Variants in CDH3 observed in about 807,000 individuals in gnomAD.
CDH3 encodes the protein cadherin-3.
CDH3 carries 54 observed loss-of-function variants against 82.0 expected under a neutral mutation model. The observed-to-expected ratio is 0.66, with a 90% CI of 0.53 to 0.83. The LOEUF (loss-of-function observed/expected upper bound fraction) is 0.83, where lower values mean the gene tolerates loss of function less well. Among genes scored for constraint, CDH3 ranks in the 40% least tolerant of loss-of-function variants. The probability of loss-of-function intolerance (pLI) is 0.00; values close to 1 mark genes in which losing one functional copy is unlikely to be tolerated. For missense variants in CDH3, 1,054 were observed against 1,084.6 expected, an observed-to-expected ratio of 0.97 and a Z score of 0.40; for synonymous variants, 446 against 437.9, an observed-to-expected ratio of 1.02 and a Z score of -0.23.
At chr16:68,701,572 G>T (rs1246915861), downstream of CDH3, among the ~76,000 whole-genome samples, 1 of 143,974 alleles carries the variant, frequency 6.9e-6, no homozygotes, top group Non-Finnish European at 1.5e-5. Context: ...TTGAGACAGA[G>T]TCTCACTCTC....
At chr16:68,715,464 C>T (rs1962083723) in intron 1 of CDH3, among the ~76,000 whole-genome samples, 1 of 151,782 alleles carries the variant, frequency 6.6e-6, no homozygotes, top group Non-Finnish European at 1.5e-5. Context: ...TTGCCCACTC[C>T]ACAGTAGTAT....
At chr16:68,671,710 C>T (rs564462122) in intron 2 of CDH3, among the ~76,000 whole-genome samples, 67 of 151,882 alleles carry the variant, frequency 4.4e-4, no homozygotes, top group Middle Eastern at 3.4e-3. Flanking sequence ...TTAGTAGAGA[C>T]GGGATTTTAC....
At chr16:68,726,753 G>A (rs1962223836) in intron 2 of CDH3, among the ~76,000 whole-genome samples, 1 of 151,744 alleles carries the variant, frequency 6.6e-6, no homozygotes, top group East Asian at 1.9e-4. Flanking sequence ...TAATTTTTTG[G>A]TATTTTTAGT....
At chr16:68,698,147 GGCAGGACCCGCC>G in intron 15 of CDH3, 32 bp from the exon 16 acceptor site, 1 of 1,587,410 alleles carries the variant, frequency 6.3e-7, no homozygotes, top group Non-Finnish European at 8.6e-7. Flanking sequence ...GCTGGCAAGA[GGCAGGACCCGCC>G]GCTCCTAACT....
chr16:68,715,422 C>CAAAAAAAAAAAAA (rs71148937), intron 1 of CDH3, among the ~76,000 whole-genome samples: 4 of 141,810 alleles, frequency 2.8e-5, no homozygotes, highest in East Asian at 2.1e-4. Context: ...GCACGACTCT[C>CAAAAAAAAAAAAA]AAAAAAAAAA....
intron 2 of CDH3, among the ~76,000 whole-genome samples, chr16:68,656,044 A>G (rs1960402800): frequency 6.6e-6 from 1 of 152,154 alleles, no homozygotes; most frequent in Non-Finnish European, 1.5e-5. Flanking sequence ...CTGGCAGAGG[A>G]ACAACACCAG....
In CDH3 at chr16:68,698,822, A is replaced by C; in HGVS notation, c.*422A>C. On this transcript the variant is annotated 3_prime_UTR_variant, in exon 16 of 16. Coordinates refer to ENST00000264012, the MANE Select transcript of CDH3 (RefSeq NM_001793.6). The stretch of plus-strand genomic sequence containing the variant: ...TTCAAAACGTTAGAGAAAGTTCTTC[A>C]AAAGTGCAGCCCAGAGCTGCTGGGC... 5.4e-6 allele frequency: 1 copy of C among 184,286 alleles called. No homozygotes were observed. Among genetic ancestry groups the C allele is most frequent in the Non-Finnish European group, 1.1e-5 (1 of 87,874 alleles). The allele number at this position is 184,286 out of a possible 1,614,324, so 11.4% of individuals were successfully genotyped here. A position where few individuals can be genotyped will look rare whatever the true frequency, so the allele number is the denominator to read the frequency against.
intron 1 of CDH3, among the ~76,000 whole-genome samples, chr16:68,705,983 T>C (rs908513550): frequency 4.1e-5 from 6 of 146,390 alleles, no homozygotes; most frequent in African/African-American, 1.5e-4. Context: ...GAGAATGGCA[T>C]GAACCTGGGA....
In CDH3 at chr16:68,662,621, CAAG is replaced by C. The variant is rs1287311865; in HGVS notation, c.161-13760_161-13758del. 3.4e-5 allele frequency among the ~76,000 whole-genome samples: 5 copies of C among 145,094 alleles called. No homozygotes were observed. In the Admixed American group the frequency reaches 3.6e-4, roughly 10 times the overall value. ...AGAGTGCGGTGGCACGATCTCACTG[CAAG>C]AAGCTCCACCTCCGGGTTCACACCA... On this transcript the variant is annotated intron_variant, in intron 2 of 15. Coordinates refer to ENST00000264012, the MANE Select transcript of CDH3 (RefSeq NM_001793.6).
intron 15 of CDH3, among the ~76,000 whole-genome samples, chr16:68,697,686 T>G (rs1328872201): frequency 6.6e-6 from 1 of 152,212 alleles, no homozygotes; most frequent in East Asian, 1.9e-4. Context: ...TGACCTAGCA[T>G]GTAGCGCTTA....
At chr16:68,684,153 C>T (rs932046110) in intron 9 of CDH3, among the ~76,000 whole-genome samples, 1 of 151,666 alleles carries the variant, frequency 6.6e-6, no homozygotes, top group Non-Finnish European at 1.5e-5. Flanking sequence ...ATAGCTTGAG[C>T]CCAAGAAGGT....
chr16:68,721,140 C>A (rs1403625299), intron 1 of CDH3, among the ~76,000 whole-genome samples: 1 of 151,308 alleles, frequency 6.6e-6, no homozygotes, highest in Non-Finnish European at 1.5e-5. Context: ...AATCATCATA[C>A]TAAATCATGT....
At chr16:68,659,727 C>G (rs1049645150) in intron 2 of CDH3, among the ~76,000 whole-genome samples, 1 of 151,224 alleles carries the variant, frequency 6.6e-6, no homozygotes, top group Non-Finnish European at 1.5e-5. Context: ...GAAATAAACA[C>G]GTGAAATTTC....
intron 2 of CDH3, among the ~76,000 whole-genome samples, chr16:68,649,056 G>A (rs1960165053): frequency 6.6e-6 from 1 of 152,080 alleles, no homozygotes; most frequent in Non-Finnish European, 1.5e-5. Flanking sequence ...CTTCCTTCAA[G>A]TGTGGTCTGG....
At chr16:68,647,412 C>G (rs1370647149) in intron 2 of CDH3, among the ~76,000 whole-genome samples, 1 of 152,150 alleles carries the variant, frequency 6.6e-6, no homozygotes, top group Non-Finnish European at 1.5e-5. Context: ...AAGCAGTGAT[C>G]AGGTTTTCGA....
At chr16:68,675,901 C>T (rs891909011) in intron 2 of CDH3, among the ~76,000 whole-genome samples, 11 of 152,062 alleles carry the variant, frequency 7.2e-5, no homozygotes, top group African/African-American at 1.9e-4. Context: ...GTTACTAACT[C>T]GGAGTGCTTG....
intron 15 of CDH3, chr16:68,696,323 C>T: frequency 3.0e-6 from 1 of 334,880 alleles, no homozygotes; most frequent in Non-Finnish European, 5.9e-6. Flanking sequence ...GGAGGCTGAG[C>T]ACAAGAATCG....
intron 2 of CDH3, among the ~76,000 whole-genome samples, chr16:68,725,994 G>A (rs1054294618): frequency 2.0e-5 from 3 of 152,104 alleles, no homozygotes; most frequent in Non-Finnish European, 2.9e-5. Context: ...GGCAGACGGA[G>A]GTTGCAGTGA....
downstream of CDH3, among the ~76,000 whole-genome samples, chr16:68,727,894 G>A (rs910439178): frequency 6.6e-6 from 1 of 151,974 alleles, no homozygotes; most frequent in African/African-American, 2.4e-5. Context: ...GGGAGAAAGA[G>A]CAAAACTCCA....
Sources: allele counts gnomAD v4.1 joint callset (sites outside exome capture counted in the v4.1 genomes callset), GRCh38; gene constraint gnomAD v4.1.1; transcripts MANE v1.5; gene names NCBI Gene and HGNC (gene_info 2026-07-23, HGNC 2026-07-21).